The following ZNF23 variants were observed in gnomAD, a reference collection of about 807,000 sequenced individuals.
ZNF23 encodes the protein zinc finger protein 23.
ZNF23 carries 48 observed loss-of-function variants against 56.2 expected under a neutral mutation model. The observed-to-expected ratio is 0.85, with a 90% CI of 0.68 to 1.09. ZNF23 has a LOEUF of 1.09. Ranked by LOEUF, ZNF23 falls within the 50% of genes least tolerant of loss-of-function variation. The pLI is 0.00. For synonymous variants in ZNF23, 266 were observed against 283.3 expected, an observed-to-expected ratio of 0.94 and a Z score of 0.61; for missense variants, 805 against 811.4, an observed-to-expected ratio of 0.99 and a Z score of 0.10.
intron 1 of ZNF23, among the ~76,000 whole-genome samples, chr16:71,460,672 A>C (rs73575922): frequency 0.057 from 8,711 of 152,280 alleles, 820 homozygotes; most frequent in African/African-American, 0.19. Flanking sequence ...CATCATGAGT[A>C]AGTAGGATTA....
In ZNF23 at chr16:71,448,430, A is replaced by C. The variant is rs576615564; in HGVS notation, c.1724T>G (p.Phe575Cys). ...TGCTTTCTCACATTCCATACATTTGAAAGGTTTCTCCCCAGTATGTATCCT... is the reference window on the plus strand; with the variant it reads ...TGCTTTCTCACATTCCATACATTTGCAAGGTTTCTCCCCAGTATGTATCCT... ...HQRIHTGEKPFKCMECEKAFS... is the reference protein window; with the variant it reads ...HQRIHTGEKPCKCMECEKAFS... Residue 575 changes from phenylalanine to cysteine, a missense_variant, in exon 5 of 5, where the codon TTC (phenylalanine) becomes TGC (cysteine). Phe to Cys is a radical substitution (Grantham distance 205, BLOSUM62 -2). Transcript: ENST00000647773. The C allele has an allele frequency of 1.1e-5, 18 of 1,614,178 alleles. No homozygotes were observed. In the Admixed American group the frequency reaches 2.0e-4, roughly 18 times the overall value.
chr16:71,461,780 G>A (rs1454511020), intron 1 of ZNF23: 1 of 152,202 alleles, frequency 6.6e-6, no homozygotes, highest in Non-Finnish European at 1.5e-5. Context: ...CCTATGTCAG[G>A]AGCCTGGGAG....
intron 2 of ZNF23, 94 bp from the exon 3 acceptor site, chr16:71,454,262 C>T: frequency 4.8e-6 from 7 of 1,462,986 alleles, no homozygotes; most frequent in Non-Finnish European, 6.3e-6. Context: ...GGGGAGGGTG[C>T]TTGTGAGAGC....
rs141566121 is a variant in ZNF23, at chr16:71,448,526, C to G, written c.1628G>C (p.Gly543Ala). 13 of 1,614,026 alleles carry G rather than the reference C, an allele frequency of 8.1e-6. No individual in the cohort carries two copies. In the African/African-American group the frequency reaches 1.5e-4, roughly 18 times the overall value. ...TTCCTTACATTGATAGGGCTTTTCT[C>G]CAGTATGGATTCGGTGATGATCAAG... is the stretch of plus-strand genomic sequence containing the variant. ...NLLDHHRIHT[G>A]EKPYQCKECG... Residue 543 changes from glycine (G) to alanine (A), a missense_variant, in exon 5 of 5, where the codon GGA becomes GCA. Physicochemically the swap from Gly to Ala is moderately conservative, Grantham distance 60 (BLOSUM62 0). Coordinates refer to ENST00000647773, the MANE Select transcript of ZNF23 (RefSeq NM_001381984.1).
chr16:71,455,652 C>G (rs374192001), intron 2 of ZNF23, among the ~76,000 whole-genome samples: 1 of 152,040 alleles, frequency 6.6e-6, no homozygotes, highest in Non-Finnish European at 1.5e-5. Flanking sequence ...CCACCACACC[C>G]GGCCATGATT....
chr16:71,447,874 A>C lies in ZNF23; in HGVS notation c.*219T>G. 2.6e-6 allele frequency: 1 copy of C among 390,268 alleles called. No individual in the cohort carries two copies. Among genetic ancestry groups the C allele is most frequent in the Non-Finnish European group, 4.5e-6 (1 of 221,770 alleles). The allele number at this position is 390,268 out of a possible 1,614,324, so 24.2% of individuals were successfully genotyped here. On this transcript the variant is annotated 3_prime_UTR_variant, in exon 5 of 5. Coordinates refer to ENST00000647773, the MANE Select transcript of ZNF23 (RefSeq NM_001381984.1). ...CTGCTGGGAACGAAATCTTTTCATT[A>C]TATTTTCTAATTCCTGTTGGTACAA... is the stretch of plus-strand genomic sequence containing the variant.
chr16:71,456,016 T>C, intron 2 of ZNF23: 1 of 456,590 alleles, frequency 2.2e-6, no homozygotes, highest in Admixed American at 2.3e-5. Flanking sequence ...GTATGGCTCC[T>C]GGAGCATAGT....
At chr16:71,458,567 A>G (rs917866150) in intron 1 of ZNF23, among the ~76,000 whole-genome samples, 6 of 152,198 alleles carry the variant, frequency 3.9e-5, no homozygotes, top group African/African-American at 1.4e-4. Flanking sequence ...GGGGCCTGTC[A>G]GGAGGTTACA....
At chr16:71,462,181 G>T (rs568793234) in intron 1 of ZNF23, 29 bp downstream of exon 1, 1 of 152,480 alleles carries the variant, frequency 6.6e-6, no homozygotes, top group African/African-American at 2.4e-5. Flanking sequence ...ACAGGGCACG[G>T]CACACAGCGC....
At chr16:71,450,142 T>C in intron 4 of ZNF23, 1 of 311,826 alleles carries the variant, frequency 3.2e-6, no homozygotes, top group South Asian at 9.5e-5. Context: ...AAAAACAGTA[T>C]ATAGAATAGA....
intron 1 of ZNF23, among the ~76,000 whole-genome samples, chr16:71,458,897 G>A (rs760413814): frequency 6.6e-6 from 1 of 152,244 alleles, no homozygotes; most frequent in Non-Finnish European, 1.5e-5. Flanking sequence ...GTTAGGCTGA[G>A]CAGTGTTTTA....
intron 1 of ZNF23, among the ~76,000 whole-genome samples, chr16:71,458,777 T>C (rs770391602): frequency 9.2e-5 from 14 of 152,222 alleles, no homozygotes; most frequent in Non-Finnish European, 1.9e-4. Context: ...CAAAATCAGC[T>C]GGCACCTTGA....
chr16:71,448,156 T>A lies in ZNF23; in HGVS notation c.1998A>T (p.Lys666Asn). 6.2e-7 allele frequency: 1 copy of A among 1,613,898 alleles called. No homozygotes were observed. The highest frequency in any genetic ancestry group is 8.5e-7 in the Non-Finnish European group (1 of 1,179,934). ...TGAGCTGGAAGCTAAACCTGAATGC[T>A]TTCCCACACACACTACACATATAGG... ...KKPYMCSVCGKAFRFSFQLSQ... is the reference protein window; with the variant it reads ...KKPYMCSVCGNAFRFSFQLSQ... Residue 666 changes from lysine (K) to asparagine (N), a missense_variant, in exon 5 of 5, where the codon AAA becomes AAT. Transcript: ENST00000647773.
intron 2 of ZNF23, 180 bp from the exon 3 acceptor site, chr16:71,454,348 T>A: frequency 6.4e-6 from 5 of 784,672 alleles, no homozygotes; most frequent in Non-Finnish European, 7.4e-6. Context: ...AGTATCCACA[T>A]TCTCCCACAG....
chr16:71,454,344 C>T, intron 2 of ZNF23, 176 bp from the exon 3 acceptor site: 2 of 785,108 alleles, frequency 2.5e-6, no homozygotes, highest in East Asian at 6.3e-5. Context: ...ACAAAGTATC[C>T]ACATTCTCCC....
At chr16:71,456,628 GCACAA>G (rs1479712593) in intron 2 of ZNF23, 131 bp downstream of exon 2, 1 of 924,128 alleles carries the variant, frequency 1.1e-6, no homozygotes, top group African/African-American at 1.8e-5. Flanking sequence ...CGCCCTCCCT[GCACAA>G]CACCTCTTTC....
At position 71,448,319 on chromosome 16, in the gene ZNF23, A is replaced by T; in HGVS notation, c.1835T>A (p.Phe612Tyr). The T allele has an allele frequency of 4.3e-6, 7 of 1,614,048 alleles. No individual in the cohort carries two copies. The highest frequency in any genetic ancestry group is 5.9e-6 in the Non-Finnish European group (7 of 1,179,994). The change falls in exon 5 of 5, where the codon TTC (phenylalanine) becomes TAC (tyrosine). Residue 612 changes from phenylalanine (F) to tyrosine (Y), a missense_variant. Phe to Tyr is a conservative substitution (Grantham distance 22). Transcript: ENST00000647773. ...CCGAATTAAATGGGCATTAACATGG[A>T]AGGCTTTTCCACACTCCTTACACTG... ...PFQCKECGKA[F>Y]HVNAHLIRHQ... is the part of the protein sequence containing the mutation.
chr16:71,455,404 T>G (rs2043192866), intron 2 of ZNF23, among the ~76,000 whole-genome samples: 1 of 152,156 alleles, frequency 6.6e-6, no homozygotes, highest in Non-Finnish European at 1.5e-5. Flanking sequence ...TCACCCAGGC[T>G]GAAGCGCAGT....
intron 2 of ZNF23, 59 bp downstream of exon 2, chr16:71,456,705 C>T (rs1597001800): frequency 1.0e-6 from 1 of 986,166 alleles, no homozygotes. Flanking sequence ...AGCTCCCCTT[C>T]TCAATGTTTT....
Sources: allele counts gnomAD v4.1 joint callset (sites outside exome capture counted in the v4.1 genomes callset), GRCh38; gene constraint gnomAD v4.1.1; transcripts MANE v1.5; gene names NCBI Gene and HGNC (gene_info 2026-07-23, HGNC 2026-07-21).